Variants in RBFOX1 observed in about 807,000 individuals in gnomAD.
The protein encoded by RBFOX1 is RNA binding protein fox-1 homolog 1.
In RBFOX1, 8 loss-of-function variants were observed where a neutral mutation model predicts 57.7. The ratio of observed to expected loss-of-function variants is 0.14; its 90% CI spans 0.08 to 0.25. RBFOX1 has a LOEUF of 0.25. RBFOX1 is among the 10% of genes least tolerant of loss of function. The probability of loss-of-function intolerance (pLI) is 1.00; values close to 1 mark genes in which losing one functional copy is unlikely to be tolerated. For synonymous variants in RBFOX1, 326 were observed against 222.4 expected, an observed-to-expected ratio of 1.47 and a Z score of -4.15; for missense variants, 611 against 548.5, an observed-to-expected ratio of 1.11 and a Z score of -1.14.
At position 5,577,981 on chromosome 16, in the gene RBFOX1, C is replaced by T. The variant is rs2046525627; in HGVS notation, c.259-20921C>T. Among the ~76,000 whole-genome samples the T allele has an allele frequency of 2.6e-5, 4 of 152,110 alleles. No individual in the cohort carries two copies. The South Asian group carries it at 8.3e-4, about 32-fold the overall frequency. ...TTGAGGATTTCTTTTGAGACAGAGT[C>T]TCTCTCTGTTGCCAGGCTGGGGTAC... On this transcript the variant is annotated intron_variant, in intron 2 of 2. Coordinates refer to the RBFOX1 transcript ENST00000585867.
intron 10 of RBFOX1, among the ~76,000 whole-genome samples, chr16:7,613,123 G>A (rs764482078): frequency 2.0e-5 from 3 of 152,162 alleles, no homozygotes; most frequent in Non-Finnish European, 2.9e-5. Flanking sequence ...ATAAGGAGAT[G>A]CAGAGTAGAT....
intron 3 of RBFOX1, among the ~76,000 whole-genome samples, chr16:6,897,007 C>T (rs539725302): frequency 3.3e-5 from 5 of 152,270 alleles, no homozygotes; most frequent in East Asian, 1.9e-4. Flanking sequence ...CAGCAGGGGA[C>T]GCACCTGTGC....
chr16:7,120,840 C>CACACACACACACACACACAT (rs1555491069), intron 4 of RBFOX1, among the ~76,000 whole-genome samples: 17 of 145,688 alleles, frequency 1.2e-4, no homozygotes, highest in African/African-American at 3.9e-4. Context: ...TACACACACA[C>CACACACACACACACACACAT]ACACACACAC....
At position 6,913,700 on chromosome 16, in the gene RBFOX1, C is replaced by T. The variant is rs1442600995; in HGVS notation, c.-15-138357C>T. Among the ~76,000 whole-genome samples, 8 of 152,268 alleles carry T rather than the reference C, an allele frequency of 5.3e-5. No individual in the cohort carries two copies. The East Asian group carries it at 1.5e-3, about 29-fold the overall frequency. ...AGACCTGGCTCCTTGCCTAGCTGGG[C>T]CAGGCTCTGTCCTCCCCTGCGTACC... On this transcript the variant is annotated intron_variant, in intron 3 of 15. Coordinates refer to ENST00000550418, the MANE Select transcript of RBFOX1 (RefSeq NM_018723.4).
chr16:5,589,553 G>T (rs1020411166), intron 2 of RBFOX1, among the ~76,000 whole-genome samples: 2 of 152,134 alleles, frequency 1.3e-5, no homozygotes, highest in South Asian at 2.1e-4. Flanking sequence ...AAGGTGATTT[G>T]GACTCCAGAG....
chr16:5,863,413 C>T (rs1360451339), intron 3 of RBFOX1, among the ~76,000 whole-genome samples: 1 of 152,146 alleles, frequency 6.6e-6, no homozygotes, highest in African/African-American at 2.4e-5. Context: ...CTGCTGATGG[C>T]TTGATAAAAG....
At chr16:6,099,753 G>T (rs942194489) in intron 1 of RBFOX1, among the ~76,000 whole-genome samples, 1 of 152,294 alleles carries the variant, frequency 6.6e-6, no homozygotes, top group East Asian at 1.9e-4. Flanking sequence ...AGTGCTCTGT[G>T]ACTTTTACGA....
chr16:7,129,271 C>T (rs906976982), intron 4 of RBFOX1, among the ~76,000 whole-genome samples: 1 of 152,046 alleles, frequency 6.6e-6, no homozygotes, highest in African/African-American at 2.4e-5. Context: ...TTGAACCAAT[C>T]ATTTTGGCCA....
At position 6,266,451 on chromosome 16, in the gene RBFOX1, C is replaced by T. The variant is rs563110957; in HGVS notation, c.-126-50544C>T. ...CTAACAGGCCAGACACAATTGCTCA[C>T]GCCTGTAATCCCAGCCTTTTGGGTG... On this transcript the variant is annotated intron_variant, in intron 1 of 15. Coordinates refer to ENST00000550418, the MANE Select transcript of RBFOX1 (RefSeq NM_018723.4). Among the ~76,000 whole-genome samples, 159 of 152,274 alleles carry T rather than the reference C, an allele frequency of 1.0e-3. 1 individual carries two copies. The highest frequency in any genetic ancestry group is 3.4e-3 in the Middle Eastern group (1 of 294).
In RBFOX1 at chr16:6,019,839, G is replaced by T; in HGVS notation, c.-280G>T. The T allele has an allele frequency of 6.6e-7, 1 of 1,524,826 alleles. No homozygotes were observed. The highest frequency in any genetic ancestry group is 1.2e-5 in the South Asian group (1 of 83,012). 94.5% of individuals were successfully genotyped at this position (1,524,826 alleles called of 1,614,324 possible). ...AGGCGCGCCAGGGCGGGGCTGACCT[G>T]CCCGCGAAGTTGCGGACAGTGCGTG... On this transcript the variant is annotated 5_prime_UTR_variant, in exon 1 of 16. Transcript: ENST00000550418. This position sits in a 1 kb window ranked among gnomAD's most constrained non-coding sequence, Gnocchi z 4.2.
intron 4 of RBFOX1, among the ~76,000 whole-genome samples, chr16:7,300,932 G>T (rs879338471): frequency 1.3e-5 from 2 of 152,162 alleles, no homozygotes; most frequent in South Asian, 2.1e-4. Flanking sequence ...GCCCTTGAAT[G>T]CATATGAACC....
intron 1 of RBFOX1, among the ~76,000 whole-genome samples, chr16:6,217,036 A>C (rs2097340059): frequency 6.6e-6 from 1 of 152,186 alleles, no homozygotes; most frequent in Non-Finnish European, 1.5e-5. Context: ...AGCCCTCTTC[A>C]GGTAACCTGT....
chr16:7,314,283 C>G (rs2142860180), intron 4 of RBFOX1, among the ~76,000 whole-genome samples: 1 of 152,288 alleles, frequency 6.6e-6, no homozygotes, highest in South Asian at 2.1e-4. Flanking sequence ...GATTTATACA[C>G]CCCGCACCAC....
intron 5 of RBFOX1, among the ~76,000 whole-genome samples, chr16:7,570,062 A>G (rs73486683): frequency 0.13 from 20,423 of 152,182 alleles, 1,660 homozygotes; most frequent in Admixed American, 0.22. Context: ...TTTCAAAGAC[A>G]TCCTCCAAAA....
chr16:7,203,334 T>G (rs2089131874), intron 4 of RBFOX1, among the ~76,000 whole-genome samples: 1 of 152,088 alleles, frequency 6.6e-6, no homozygotes. Flanking sequence ...AAGTTTGTAG[T>G]GAAAAGCAGA....
chr16:7,545,166 T>C (rs538351689), intron 5 of RBFOX1, among the ~76,000 whole-genome samples: 215 of 152,322 alleles, frequency 1.4e-3, no homozygotes, highest in South Asian at 2.9e-3. Flanking sequence ...ACTTGAGTAG[T>C]TACTAGTTAC....
At chr16:6,408,856 G>A (rs576549419) in intron 2 of RBFOX1, among the ~76,000 whole-genome samples, 1 of 152,176 alleles carries the variant, frequency 6.6e-6, no homozygotes. Flanking sequence ...TATTTTCTGT[G>A]ATCACAACTT....
In RBFOX1 at chr16:6,331,578, GTA is replaced by G. The variant is rs887795014; in HGVS notation, c.-64+14531_-64+14532del. Among the ~76,000 whole-genome samples the G allele has an allele frequency of 1.2e-4, 17 of 136,530 alleles. 1 individual carries two copies. The highest frequency in any genetic ancestry group is 4.8e-4 in the South Asian group (2 of 4,160). The allele number at this position is 136,530 out of a possible 152,430, so 89.6% of individuals were successfully genotyped here. On this transcript the variant is annotated intron_variant, in intron 2 of 15. Transcript: ENST00000550418. ...ATATATGTATATAATATGTGTGTGT[GTA>G]TATATATATGTGTGTGTATATATAT...
intron 1 of RBFOX1, among the ~76,000 whole-genome samples, chr16:5,380,223 G>T (rs1296303009): frequency 6.6e-6 from 1 of 152,202 alleles, no homozygotes; most frequent in Admixed American, 6.5e-5. Flanking sequence ...TGACATGCTG[G>T]AGTTTGGCTG....
Sources: gnomAD v4.1 joint callset for allele counts (sites outside exome capture counted in the v4.1 genomes callset) on GRCh38, gnomAD v4.1.1 for gene constraint, Gnocchi (gnomAD v3.1) non-coding constraint, MANE v1.5 for transcripts, NCBI Gene and HGNC (gene_info 2026-07-23, HGNC 2026-07-21) for gene names.